The following SEPTIN7 variants were observed in gnomAD, a reference collection of about 807,000 sequenced individuals.
The protein encoded by SEPTIN7 is septin 7.
A neutral mutation model predicts 63.3 loss-of-function variants in SEPTIN7; 10 were observed. The observed-to-expected ratio is 0.16, with a 90% CI of 0.10 to 0.27. The LOEUF is 0.27. Among genes scored for constraint, SEPTIN7 ranks in the 10% least tolerant of loss-of-function variants. SEPTIN7 has a pLI of 1.00. For synonymous variants in SEPTIN7, 131 were observed against 165.3 expected (o/e 0.79, Z 1.59); for missense variants, 310 against 521.0 (o/e 0.59, Z 3.94).
chr7:35,841,953 A>G (rs553566442), intron 3 of SEPTIN7, among the ~76,000 whole-genome samples: 1 of 152,330 alleles, frequency 6.6e-6, no homozygotes, highest in South Asian at 2.1e-4. Context: ...ACTGTATCAC[A>G]TAAGTCTGAA....
At chr7:35,832,364 A>T (rs970435339) in intron 2 of SEPTIN7, among the ~76,000 whole-genome samples, 2 of 152,094 alleles carry the variant, frequency 1.3e-5, no homozygotes, top group Admixed American at 1.3e-4. Context: ...AATTTCAAGA[A>T]TCTCATGCCT....
At chr7:35,877,978 G>GTGTTGAATATCTCATGTAATT (rs1180590465) in intron 6 of SEPTIN7, among the ~76,000 whole-genome samples, 8 of 152,292 alleles carry the variant, frequency 5.3e-5, no homozygotes, top group African/African-American at 1.9e-4. Context: ...TTGTAATAAT[G>GTGTTGAATATCTCATGTAATT]TGTTGAATAT....
At chr7:35,894,579 A>G (rs1268828879) in intron 11 of SEPTIN7, among the ~76,000 whole-genome samples, 2 of 152,180 alleles carry the variant, frequency 1.3e-5, no homozygotes, top group Non-Finnish European at 2.9e-5. Flanking sequence ...TAGTAGTTGG[A>G]AGTTTTGTTT....
chr7:35,848,165 T>C (rs1392470902), intron 3 of SEPTIN7, among the ~76,000 whole-genome samples: 1 of 152,222 alleles, frequency 6.6e-6, no homozygotes, highest in Non-Finnish European at 1.5e-5. Context: ...CTCTATTTTC[T>C]TCCAAATTAA....
intron 2 of SEPTIN7, 27 bp from the exon 3 acceptor site, chr7:35,832,771 T>A (rs1356686498): frequency 8.0e-7 from 1 of 1,250,160 alleles, no homozygotes. Flanking sequence ...GATACATGAA[T>A]AACTTGGCCC....
chr7:35,820,282 C>T (rs1231228796), intron 1 of SEPTIN7, among the ~76,000 whole-genome samples: 1 of 151,996 alleles, frequency 6.6e-6, no homozygotes, highest in East Asian at 1.9e-4. Flanking sequence ...GATGTTGATA[C>T]TAATGTTTTT....
chr7:35,828,252 T>G (rs17171927), intron 1 of SEPTIN7, among the ~76,000 whole-genome samples: 19,467 of 152,180 alleles, frequency 0.13, 1,825 homozygotes, highest in African/African-American at 0.26. Context: ...TCTGTTTCTG[T>G]AATGGTATCT....
In SEPTIN7 at chr7:35,904,484, T is replaced by C. The variant is rs1010879606; in HGVS notation, c.*191T>C. 1 of 410,414 alleles carries C rather than the reference T, an allele frequency of 2.4e-6. No homozygotes were observed. Among genetic ancestry groups the C allele is most frequent in the Non-Finnish European group, 4.3e-6 (1 of 232,250 alleles). 25.4% of individuals were successfully genotyped at this position (410,414 alleles called of 1,614,324 possible). On this transcript the variant is annotated 3_prime_UTR_variant, in exon 14 of 14. Transcript: ENST00000350320. ...GCCTTGAATTGTCTAGGGTGTTCTG[T>C]ACTTAGAAAGTAAGAGCTCTAAGTA... is the stretch of plus-strand genomic sequence containing the variant.
intron 7 of SEPTIN7, 33 bp from the exon 8 acceptor site, chr7:35,882,451 G>C: frequency 7.1e-7 from 1 of 1,407,308 alleles, no homozygotes; most frequent in Non-Finnish European, 9.4e-7. Context: ...ATTATGTATG[G>C]TGCTCTTTTG....
intron 3 of SEPTIN7, among the ~76,000 whole-genome samples, chr7:35,848,554 A>T (rs999841918): frequency 1.3e-5 from 2 of 152,112 alleles, no homozygotes; most frequent in African/African-American, 2.4e-5. Flanking sequence ...GATCAATTAG[A>T]ATTTCAGGTA....
chr7:35,801,390 G>T, intron 1 of SEPTIN7, 120 bp downstream of exon 1: 1 of 1,291,882 alleles, frequency 7.7e-7, no homozygotes, highest in Non-Finnish European at 1.0e-6. Flanking sequence ...GCGGCGAGGG[G>T]AGCCGGGATG....
intron 5 of SEPTIN7, among the ~76,000 whole-genome samples, 193 bp downstream of exon 5, chr7:35,872,959 T>G (rs1191763986): frequency 6.6e-6 from 1 of 152,168 alleles, no homozygotes; most frequent in African/African-American, 2.4e-5. Context: ...CCCATTTACT[T>G]TTCTATAAAA....
At chr7:35,831,547 A>G (rs535782768) in intron 2 of SEPTIN7, 51 bp downstream of exon 2, 1 of 405,766 alleles carries the variant, frequency 2.5e-6, no homozygotes, top group African/African-American at 2.2e-5. Context: ...AGTTAACTTA[A>G]ATTTAATTTA....
chr7:35,879,697 C>T, intron 6 of SEPTIN7, 126 bp from the exon 7 acceptor site: 1 of 644,270 alleles, frequency 1.6e-6, no homozygotes, highest in Non-Finnish European at 2.9e-6. Flanking sequence ...TGGCCTAATA[C>T]ATCTTCAGAG....
intron 3 of SEPTIN7, among the ~76,000 whole-genome samples, chr7:35,857,520 G>A (rs1055598051): frequency 1.3e-5 from 2 of 152,138 alleles, no homozygotes; most frequent in South Asian, 2.1e-4. Context: ...ATGCCACTTG[G>A]GAATTGAATT....
intron 1 of SEPTIN7, 103 bp from the exon 2 acceptor site, chr7:35,831,389 T>C (rs748069659): frequency 2.7e-6 from 1 of 365,900 alleles, no homozygotes; most frequent in Non-Finnish European, 5.2e-6. Flanking sequence ...TTGGACTGAA[T>C]ATGTCATTAC....
intron 3 of SEPTIN7, among the ~76,000 whole-genome samples, chr7:35,839,053 A>G (rs1784275087): frequency 6.6e-6 from 1 of 152,224 alleles, no homozygotes; most frequent in African/African-American, 2.4e-5. Context: ...ACCAGAGTTT[A>G]TGTTAATTTA....
intron 7 of SEPTIN7, 108 bp from the exon 8 acceptor site, chr7:35,882,376 A>T: frequency 1.3e-6 from 1 of 767,922 alleles, no homozygotes; most frequent in Non-Finnish European, 1.8e-6. Flanking sequence ...ACAGTAAAGG[A>T]TCTGGAACCA....
the SEPTIN7 span, among the ~76,000 whole-genome samples, chr7:35,913,433 T>C: frequency 6.6e-6 from 1 of 152,006 alleles, no homozygotes; most frequent in Non-Finnish European, 1.5e-5. Flanking sequence ...TTCTCTCTCT[T>C]TCTTTCTTTC....
Sources: allele counts gnomAD v4.1 joint callset (sites outside exome capture counted in the v4.1 genomes callset), GRCh38; gene constraint gnomAD v4.1.1; transcripts MANE v1.5; gene names NCBI Gene and HGNC (gene_info 2026-07-23, HGNC 2026-07-21).